Variants in OGDH observed in about 807,000 individuals in gnomAD.
OGDH encodes the protein 2-oxoglutarate dehydrogenase complex component E1.
A neutral mutation model predicts 116.6 loss-of-function variants in OGDH; 38 were observed. The observed-to-expected ratio is 0.33, with a 90% CI of 0.25 to 0.43. The LOEUF (loss-of-function observed/expected upper bound fraction) is 0.43. Ranked by LOEUF, OGDH falls within the 20% of genes least tolerant of loss-of-function variation. The pLI is 1.00. For synonymous variants in OGDH, 488 were observed against 533.3 expected (o/e 0.92, Z 1.17); for missense variants, 825 against 1,357.2 (o/e 0.61, Z 6.16).
intron 5 of OGDH, among the ~76,000 whole-genome samples, chr7:44,668,962 C>T (rs2116077592): frequency 6.6e-6 from 1 of 152,180 alleles, no homozygotes; most frequent in East Asian, 1.9e-4. Flanking sequence ...CCACAAATGG[C>T]ACCCCATATA....
At chr7:44,691,915 G>A (rs529926197) in intron 10 of OGDH, among the ~76,000 whole-genome samples, 204 of 150,478 alleles carry the variant, frequency 1.4e-3, no homozygotes, top group Middle Eastern at 6.8e-3. Context: ...CCCGGGAGGT[G>A]GAGCTTGCAG....
intron 4 of OGDH, among the ~76,000 whole-genome samples, chr7:44,652,592 G>A (rs1786499682): frequency 6.6e-6 from 1 of 151,948 alleles, no homozygotes; most frequent in African/African-American, 2.4e-5. Context: ...ATAGAGACAG[G>A]GTCTTATTAT....
chr7:44,666,707 T>G, intron 4 of OGDH, 29 bp from the exon 5 acceptor site: 1 of 1,397,760 alleles, frequency 7.2e-7, no homozygotes, highest in South Asian at 1.3e-5. Flanking sequence ...CCTCCTCATC[T>G]GGCTTGTCCT....
chr7:44,671,767 CAAAAA>C (rs758716419), intron 5 of OGDH, among the ~76,000 whole-genome samples: 1 of 51,182 alleles, frequency 2.0e-5, no homozygotes, highest in African/African-American at 8.2e-5. Flanking sequence ...GACTGCGTCT[CAAAAA>C]AAAAAAAAAA....
In OGDH at chr7:44,689,180, C is replaced by T. The variant is rs140721579; in HGVS notation, c.1336-4645C>T. ...TTTCAAAGTGGCTGTGCCATTTTTACATTCCCACTGGAAATATATCAGGGT... is the reference window on the plus strand; with the variant it reads ...TTTCAAAGTGGCTGTGCCATTTTTATATTCCCACTGGAAATATATCAGGGT... On this transcript the variant is annotated intron_variant, in intron 10 of 22. Transcript: ENST00000222673. Among the ~76,000 whole-genome samples, 672 of 143,486 alleles carry T rather than the reference C, an allele frequency of 4.7e-3. 6 individuals are homozygous for T. Among genetic ancestry groups the T allele is most frequent in the African/African-American group, 0.016 (631 of 39,600 alleles). 94.1% of individuals were successfully genotyped at this position (143,486 alleles called of 152,430 possible).
intron 4 of OGDH, among the ~76,000 whole-genome samples, chr7:44,651,907 G>A (rs1786464239): frequency 6.6e-6 from 1 of 151,678 alleles, no homozygotes; most frequent in African/African-American, 2.4e-5. Context: ...TCACCACGTT[G>A]CCCAGGCTGT....
intron 2 of OGDH, among the ~76,000 whole-genome samples, chr7:44,632,384 C>T (rs1785478777): frequency 6.6e-6 from 1 of 152,146 alleles, no homozygotes; most frequent in South Asian, 2.1e-4. Flanking sequence ...CTTCTGGGCT[C>T]AAGTAATCCA....
intron 20 of OGDH, among the ~76,000 whole-genome samples, chr7:44,704,179 G>T (rs1788964540): frequency 6.6e-6 from 1 of 152,080 alleles, no homozygotes. Flanking sequence ...CAGTATATGA[G>T]GATCCCACCA....
intron 2 of OGDH, among the ~76,000 whole-genome samples, chr7:44,642,288 G>T (rs7793781): frequency 0.017 from 2,523 of 152,266 alleles, 69 homozygotes; most frequent in African/African-American, 0.057. Context: ...GCCATGCGTG[G>T]TGGTGCGTGC....
intron 4 of OGDH, among the ~76,000 whole-genome samples, chr7:44,649,451 T>C (rs949050587): frequency 1.3e-5 from 2 of 151,942 alleles, no homozygotes; most frequent in African/African-American, 4.8e-5. Flanking sequence ...GGTTTCACCA[T>C]GTCGCCCACC....
At chr7:44,629,546 C>T (rs1325776347) in intron 2 of OGDH, among the ~76,000 whole-genome samples, 1 of 151,754 alleles carries the variant, frequency 6.6e-6, no homozygotes, top group Non-Finnish European at 1.5e-5. Context: ...TTAACTGATG[C>T]CCATTTCTTT....
intron 5 of OGDH, among the ~76,000 whole-genome samples, chr7:44,667,553 TA>T (rs1787239822): frequency 6.6e-6 from 1 of 152,160 alleles, no homozygotes; most frequent in African/African-American, 2.4e-5. Context: ...TGGACTCTGT[TA>T]GTACTAAGCC....
intron 10 of OGDH, among the ~76,000 whole-genome samples, chr7:44,684,305 A>C (rs190225628): frequency 1.3e-5 from 2 of 152,178 alleles, no homozygotes; most frequent in African/African-American, 2.4e-5. Flanking sequence ...GATTTGTTAT[A>C]GTTTAGAATT....
intron 2 of OGDH, among the ~76,000 whole-genome samples, chr7:44,637,223 T>C (rs963741219): frequency 6.6e-6 from 1 of 152,154 alleles, no homozygotes; most frequent in African/African-American, 2.4e-5. Context: ...TTTGGCCAAA[T>C]GTCTTCTCTC....
chr7:44,652,924 C>G (rs1420745287), intron 4 of OGDH, among the ~76,000 whole-genome samples: 1 of 151,974 alleles, frequency 6.6e-6, no homozygotes, highest in Non-Finnish European at 1.5e-5. Flanking sequence ...GTTGGGGTAC[C>G]ACGGTAGATA....
At chr7:44,652,846 C>G (rs77602958) in intron 4 of OGDH, among the ~76,000 whole-genome samples, 2,774 of 152,218 alleles carry the variant, frequency 0.018, 91 homozygotes, top group African/African-American at 0.063. Flanking sequence ...GTAGTGGCAG[C>G]CCAACGTCTT....
In OGDH at chr7:44,706,457, G is replaced by C. The variant is rs541752852; in HGVS notation, c.2633-768G>C. 3.3e-4 allele frequency among the ~76,000 whole-genome samples: 49 copies of C among 150,608 alleles called. 1 individual carries two copies. Among genetic ancestry groups the C allele is most frequent in the African/African-American group, 1.0e-3 (41 of 40,942 alleles). Reference sequence around the variant, plus strand: ...CTGCCTCGGCCCCCCGAGTAGCTGAGATTACAGGCATGCGCCACCATGCCT... The same window carrying C: ...CTGCCTCGGCCCCCCGAGTAGCTGACATTACAGGCATGCGCCACCATGCCT... On this transcript the variant is annotated intron_variant, in intron 20 of 22. Transcript: ENST00000222673.
intron 2 of OGDH, among the ~76,000 whole-genome samples, chr7:44,627,185 CG>C (rs1785240819): frequency 6.6e-6 from 1 of 152,070 alleles, no homozygotes; most frequent in South Asian, 2.1e-4. Flanking sequence ...TTAGTAGAGA[CG>C]GGGTTTCACC....
intron 17 of OGDH, 112 bp from the exon 18 acceptor site, chr7:44,698,080 A>G (rs17133935): frequency 0.11 from 144,043 of 1,255,726 alleles, 16,155 homozygotes; most frequent in African/African-American, 0.44. Context: ...GAACCCTGCC[A>G]TCAAGAAAAA....
Sources: allele counts gnomAD v4.1 joint callset (sites outside exome capture counted in the v4.1 genomes callset), GRCh38; gene constraint gnomAD v4.1.1; transcripts MANE v1.5; gene names NCBI Gene and HGNC (gene_info 2026-07-23, HGNC 2026-07-21).